Variants in PDE5A observed in about 807,000 individuals in gnomAD.
PDE5A encodes cGMP-specific 3',5'-cyclic phosphodiesterase.
A neutral mutation model predicts 110.2 loss-of-function variants in PDE5A; 67 were observed. The observed-to-expected ratio is 0.61, with a 90% CI of 0.50 to 0.75. The LOEUF is 0.75. Ranked by LOEUF, PDE5A falls within the 30% of genes least tolerant of loss-of-function variation. PDE5A has a pLI of 0.00. For missense variants in PDE5A, 862 were observed against 1,045.1 expected, an observed-to-expected ratio of 0.82 and a Z score of 2.42; for synonymous variants, 328 against 351.2, an observed-to-expected ratio of 0.93 and a Z score of 0.74.
Position 119,498,102 on chromosome 4 carries a change from C to T in PDE5A, c.*499G>A, listed in dbSNP as rs1425707430. 1 of 152,392 alleles carries T rather than the reference C, an allele frequency of 6.6e-6. No individual in the cohort carries two copies. The highest frequency in any genetic ancestry group is 1.5e-5 in the Non-Finnish European group (1 of 68,232). The allele number at this position is 152,392 out of a possible 1,614,324, so 9.4% of individuals were successfully genotyped here. On this transcript the variant is annotated 3_prime_UTR_variant, in exon 21 of 21. Coordinates refer to ENST00000354960, the MANE Select transcript of PDE5A (RefSeq NM_001083.4). ...TAAAAAAAGACACTGTTAACAAATA[C>T]AATTATTTCTCTTAAAATCCACTCA...
chr4:119,588,547 A>C (rs1728854684), intron 3 of PDE5A, among the ~76,000 whole-genome samples: 3 of 149,432 alleles, frequency 2.0e-5, no homozygotes, highest in African/African-American at 7.3e-5. Context: ...AAAAAAAAGA[A>C]TCTACAAAGT....
chr4:119,508,705 C>G (rs1725639897), intron 15 of PDE5A, among the ~76,000 whole-genome samples: 1 of 148,742 alleles, frequency 6.7e-6, no homozygotes, highest in Non-Finnish European at 1.5e-5. Flanking sequence ...AAACAGAAAA[C>G]TATTCAGAAA....
At chr4:119,573,242 G>A (rs1728203084) in intron 3 of PDE5A, among the ~76,000 whole-genome samples, 1 of 152,132 alleles carries the variant, frequency 6.6e-6, no homozygotes, top group South Asian at 2.1e-4. Flanking sequence ...CACATGTGCA[G>A]CAACTTCTCT....
chr4:119,526,306 T>C (rs1726316401), intron 11 of PDE5A, among the ~76,000 whole-genome samples: 1 of 152,104 alleles, frequency 6.6e-6, no homozygotes, highest in Admixed American at 6.6e-5. Context: ...AGAACCTGCC[T>C]CCCACCATAC....
Position 119,525,512 on chromosome 4 carries a change from AC to A in PDE5A, c.1779+36del. 6.2e-7 allele frequency: 1 copy of A among 1,602,986 alleles called. No homozygotes were observed. Among genetic ancestry groups the A allele is most frequent in the Non-Finnish European group, 8.5e-7 (1 of 1,172,354 alleles). ...CTCTCTTACATACACACACACATACACATAGACTTTTCCAAAGGATGTTGCT... is the reference window on the plus strand; with the variant it reads ...CTCTCTTACATACACACACACATACAATAGACTTTTCCAAAGGATGTTGCT... On this transcript the variant is annotated intron_variant, in intron 12 of 20. Transcript: ENST00000354960. The surrounding 1 kb of genome is among the most constrained non-coding windows in gnomAD (Gnocchi z 4.3).
chr4:119,558,900 GA>G (rs1184050319), intron 7 of PDE5A, among the ~76,000 whole-genome samples: 2 of 123,624 alleles, frequency 1.6e-5, no homozygotes, highest in Non-Finnish European at 3.2e-5. Context: ...CTGGGCGACA[GA>G]GCGAGACTCC....
At chr4:119,529,656 G>T in intron 11 of PDE5A, among the ~76,000 whole-genome samples, 1 of 152,136 alleles carries the variant, frequency 6.6e-6, no homozygotes, top group East Asian at 1.9e-4. Context: ...CAGCAATTTT[G>T]TTCTAGGACT....
At chr4:119,565,968 T>C (rs1578781777) in intron 4 of PDE5A, among the ~76,000 whole-genome samples, 1 of 142,514 alleles carries the variant, frequency 7.0e-6, no homozygotes, top group South Asian at 2.2e-4. Context: ...TTAATATTAT[T>C]ATAATTAATA....
At chr4:119,597,297 T>C (rs1434509028) in intron 2 of PDE5A, among the ~76,000 whole-genome samples, 1 of 135,358 alleles carries the variant, frequency 7.4e-6, no homozygotes, top group East Asian at 2.2e-4. Flanking sequence ...CTGTAAACTC[T>C]GTGAGGGTTT....
chr4:119,591,822 GAA>G (rs947261007), intron 3 of PDE5A, among the ~76,000 whole-genome samples: 1 of 152,112 alleles, frequency 6.6e-6, no homozygotes, highest in African/African-American at 2.4e-5. Context: ...AGATGAGAAG[GAA>G]GGAGAATGGG....
At chr4:119,541,378 A>T (rs2622498) in intron 10 of PDE5A, among the ~76,000 whole-genome samples, 150,300 of 151,594 alleles carry the variant, frequency 0.99, 74,518 homozygotes, top group East Asian at 1. Flanking sequence ...AAGCTATTTG[A>T]ACACATATGT....
chr4:119,529,623 G>A (rs1175294407), intron 11 of PDE5A, among the ~76,000 whole-genome samples: 2 of 152,104 alleles, frequency 1.3e-5, no homozygotes, highest in African/African-American at 4.8e-5. Context: ...TATGTATGTA[G>A]AAGTTTCCAT....
At chr4:119,564,096 A>G (rs1440318592) in intron 5 of PDE5A, among the ~76,000 whole-genome samples, 1 of 151,818 alleles carries the variant, frequency 6.6e-6, no homozygotes, top group East Asian at 1.9e-4. Flanking sequence ...GCTTATAGAC[A>G]CATAGACAAA....
intron 7 of PDE5A, among the ~76,000 whole-genome samples, chr4:119,556,970 G>A (rs977002940): frequency 2.0e-5 from 3 of 152,062 alleles, no homozygotes; most frequent in African/African-American, 7.2e-5. Flanking sequence ...TTTACTGATG[G>A]GAATATTATA....
chr4:119,563,764 T>C (rs1727825803), intron 5 of PDE5A, among the ~76,000 whole-genome samples: 1 of 152,144 alleles, frequency 6.6e-6, no homozygotes, highest in Admixed American at 6.6e-5. Context: ...TCGACTGTGA[T>C]GCACTGCAGG....
intron 1 of PDE5A, among the ~76,000 whole-genome samples, chr4:119,622,807 T>G (rs1470255081): frequency 7.4e-6 from 1 of 135,796 alleles, no homozygotes; most frequent in African/African-American, 2.8e-5. Flanking sequence ...CGGCTTGCAA[T>G]GAGCCGAGAT....
At chr4:119,611,324 T>C (rs1185338718) in intron 1 of PDE5A, among the ~76,000 whole-genome samples, 1 of 152,364 alleles carries the variant, frequency 6.6e-6, no homozygotes, top group South Asian at 2.1e-4. Flanking sequence ...CTCCTGTACT[T>C]AGATTAATGC....
At chr4:119,572,068 A>T (rs1339306520) in intron 3 of PDE5A, among the ~76,000 whole-genome samples, 1 of 152,138 alleles carries the variant, frequency 6.6e-6, no homozygotes. Context: ...AATTCCTTGA[A>T]ATATCACCTC....
chr4:119,533,418 G>A (rs1004650736), intron 11 of PDE5A, among the ~76,000 whole-genome samples: 1 of 152,146 alleles, frequency 6.6e-6, no homozygotes, highest in Admixed American at 6.5e-5. Context: ...GCATGCCCAA[G>A]AGGGGTGTTT....
Sources: allele counts gnomAD v4.1 joint callset (sites outside exome capture counted in the v4.1 genomes callset), GRCh38; gene constraint gnomAD v4.1.1; non-coding constraint Gnocchi (gnomAD v3.1); transcripts MANE v1.5; gene names NCBI Gene and HGNC (gene_info 2026-07-23, HGNC 2026-07-21).